Variants in SLC24A2 observed in about 807,000 individuals in gnomAD.
SLC24A2 encodes sodium/potassium/calcium exchanger 2.
A neutral mutation model predicts 62.0 loss-of-function variants in SLC24A2; 36 were observed. The observed-to-expected ratio is 0.58, with a 90% CI of 0.44 to 0.77. SLC24A2 has a LOEUF of 0.77. SLC24A2 is among the 30% of genes least tolerant of loss of function. The pLI, the probability that SLC24A2 is intolerant of heterozygous loss-of-function variation, is 0.00. For missense variants in SLC24A2, 846 were observed against 817.9 expected, an observed-to-expected ratio of 1.03 and a Z score of -0.42; for synonymous variants, 358 against 294.0, an observed-to-expected ratio of 1.22 and a Z score of -2.23.
the SLC24A2 span, among the ~76,000 whole-genome samples, chr9:20,093,132 C>T: frequency 1.3e-4 from 20 of 151,596 alleles, no homozygotes; most frequent in Middle Eastern, 3.4e-3. Context: ...AGCGCAGTAG[C>T]GCAATCTCGA....
chr9:19,613,917 G>C (rs1187956543), intron 4 of SLC24A2, among the ~76,000 whole-genome samples: 1 of 152,152 alleles, frequency 6.6e-6, no homozygotes, highest in African/African-American at 2.4e-5. Context: ...CTCTTTACAT[G>C]TCAGTGTCCT....
chr9:20,146,796 G>A, the SLC24A2 span, among the ~76,000 whole-genome samples: 3 of 152,074 alleles, frequency 2.0e-5, no homozygotes, highest in African/African-American at 7.2e-5. Flanking sequence ...CTTGATCTGA[G>A]TTTGTCATCC....
the SLC24A2 span, among the ~76,000 whole-genome samples, chr9:19,862,081 C>T: frequency 6.6e-6 from 1 of 151,936 alleles, no homozygotes; most frequent in Non-Finnish European, 1.5e-5. Context: ...ATATCAGTAT[C>T]CAAGTACAGG....
intron 3 of SLC24A2, among the ~76,000 whole-genome samples, chr9:19,620,597 CA>C (rs1393002982): frequency 6.6e-6 from 1 of 152,152 alleles, no homozygotes; most frequent in Non-Finnish European, 1.5e-5. Context: ...CTTCTATCTT[CA>C]AAAGCAAACA....
chr9:20,281,892 T>G, the SLC24A2 span, among the ~76,000 whole-genome samples: 1 of 152,184 alleles, frequency 6.6e-6, no homozygotes, highest in Non-Finnish European at 1.5e-5. Flanking sequence ...ATTTAAGTCT[T>G]TTTAAAATTT....
chr9:20,188,726 TA>T, the SLC24A2 span, among the ~76,000 whole-genome samples: 5 of 151,972 alleles, frequency 3.3e-5, no homozygotes, highest in Non-Finnish European at 7.4e-5. Context: ...AGCCACGAGC[TA>T]AGGAATGAAG....
chr9:19,568,241 C>G (rs1835735840), intron 7 of SLC24A2, among the ~76,000 whole-genome samples: 1 of 152,194 alleles, frequency 6.6e-6, no homozygotes, highest in Non-Finnish European at 1.5e-5. Flanking sequence ...TCTGGAGGCC[C>G]AGCCCTAATT....
the SLC24A2 span, among the ~76,000 whole-genome samples, chr9:20,119,962 T>G: frequency 6.6e-6 from 1 of 152,148 alleles, no homozygotes; most frequent in African/African-American, 2.4e-5. Flanking sequence ...GTTAGAAGTG[T>G]GACACAAGTC....
intron 2 of SLC24A2, among the ~76,000 whole-genome samples, chr9:19,694,374 C>T (rs1207950222): frequency 7.5e-6 from 1 of 132,932 alleles, no homozygotes; most frequent in East Asian, 2.0e-4. Context: ...TGGAAGATTT[C>T]CTCTCTAATA....
the SLC24A2 span, among the ~76,000 whole-genome samples, chr9:20,267,329 T>C: frequency 6.6e-6 from 1 of 152,162 alleles, no homozygotes; most frequent in Non-Finnish European, 1.5e-5. Flanking sequence ...CCAGGTCTCC[T>C]GGTAAGTTTG....
At chr9:19,978,583 A>C in the SLC24A2 span, among the ~76,000 whole-genome samples, 1 of 152,120 alleles carries the variant, frequency 6.6e-6, no homozygotes, top group Non-Finnish European at 1.5e-5. Context: ...TCAAGGAAAG[A>C]AAAGGGTATT....
the SLC24A2 span, among the ~76,000 whole-genome samples, chr9:19,990,937 G>GTA: frequency 1.7e-4 from 23 of 135,224 alleles, no homozygotes; most frequent in East Asian, 6.1e-4. Flanking sequence ...ATATATATAT[G>GTA]TATGTATATG....
At chr9:20,042,718 C>T in the SLC24A2 span, among the ~76,000 whole-genome samples, 3 of 152,166 alleles carry the variant, frequency 2.0e-5, no homozygotes, top group African/African-American at 4.8e-5. Flanking sequence ...AGGTTTGTGG[C>T]AACAATATCT....
intron 4 of SLC24A2, among the ~76,000 whole-genome samples, chr9:19,607,424 A>AT (rs1055844416): frequency 1.3e-4 from 20 of 150,708 alleles, no homozygotes; most frequent in East Asian, 7.8e-4. Flanking sequence ...CATCAAAATC[A>AT]TTTTTTTTTG....
the SLC24A2 span, among the ~76,000 whole-genome samples, chr9:19,961,367 G>A: frequency 6.6e-6 from 1 of 152,110 alleles, no homozygotes; most frequent in African/African-American, 2.4e-5. Flanking sequence ...CCCTCTCTTT[G>A]TTTTTGACAG....
chr9:19,633,533 T>C (rs1348990048), intron 2 of SLC24A2, among the ~76,000 whole-genome samples: 2 of 152,220 alleles, frequency 1.3e-5, no homozygotes, highest in East Asian at 3.8e-4. Flanking sequence ...TAGTTGTTTA[T>C]TTTCATTTTT....
the SLC24A2 span, among the ~76,000 whole-genome samples, chr9:20,035,402 A>G: frequency 2.6e-5 from 4 of 152,252 alleles, no homozygotes; most frequent in African/African-American, 9.6e-5. Context: ...AAGTTTGCCA[A>G]GAATATGCCA....
At chr9:20,100,957 T>A in the SLC24A2 span, among the ~76,000 whole-genome samples, 1 of 152,182 alleles carries the variant, frequency 6.6e-6, no homozygotes, top group Non-Finnish European at 1.5e-5. Flanking sequence ...CAGGTATAAA[T>A]ACACAGTGGT....
the SLC24A2 span, among the ~76,000 whole-genome samples, chr9:20,104,279 G>T: frequency 1.3e-5 from 2 of 152,358 alleles, no homozygotes; most frequent in East Asian, 3.9e-4. Context: ...CACTCTGCTA[G>T]ATATTATCCA....
Sources: allele counts gnomAD v4.1 joint callset (sites outside exome capture counted in the v4.1 genomes callset), GRCh38; gene constraint gnomAD v4.1.1; transcripts MANE v1.5; gene names NCBI Gene and HGNC (gene_info 2026-07-23, HGNC 2026-07-21).